DMGDH: variants seen among roughly 807,000 people sequenced by gnomAD.
The protein encoded by DMGDH is dimethylglycine dehydrogenase, also known as dimethylglycine dehydrogenase, mitochondrial.
DMGDH carries 76 observed loss-of-function variants against 95.2 expected under a neutral mutation model. The observed-to-expected ratio is 0.80, with a 90% CI of 0.66 to 0.97. DMGDH has a LOEUF of 0.97. DMGDH is among the 50% of genes least tolerant of loss of function. The pLI is 0.00. For missense variants in DMGDH, 987 were observed against 1,055.0 expected, an observed-to-expected ratio of 0.94 and a Z score of 0.89; for synonymous variants, 345 against 377.6, an observed-to-expected ratio of 0.91 and a Z score of 1.00.
Position 79,024,180 on chromosome 5 carries a change from T to C in DMGDH, c.2250+91A>G, listed in dbSNP as rs113438793. ...TTCACCTTGTTTCTCCTATAATCCA[T>C]ACTTGGTTAAATTTTAAAGAATGGC... is the stretch of plus-strand genomic sequence containing the variant. On this transcript the variant is annotated intron_variant, in intron 14 of 15. Coordinates refer to ENST00000255189, the MANE Select transcript of DMGDH (RefSeq NM_013391.3). The C allele has an allele frequency of 2.9e-3, 3,347 of 1,138,326 alleles. 17 individuals carry two copies. Among genetic ancestry groups the C allele is most frequent in the Non-Finnish European group, 3.7e-3 (2,776 of 752,218 alleles). 70.5% of individuals were successfully genotyped at this position (1,138,326 alleles called of 1,614,324 possible). A position where few individuals can be genotyped will look rare whatever the true frequency, so the allele number is the denominator to read the frequency against.
At chr5:79,053,345 T>A (rs1198502689) in intron 4 of DMGDH, among the ~76,000 whole-genome samples, 1 of 151,980 alleles carries the variant, frequency 6.6e-6, no homozygotes, top group African/African-American at 2.4e-5. Flanking sequence ...TGTGTGTGAG[T>A]GTGTGAGACG....
At chr5:79,049,189 A>C in intron 5 of DMGDH, among the ~76,000 whole-genome samples, 1 of 152,296 alleles carries the variant, frequency 6.6e-6, no homozygotes, top group African/African-American at 2.4e-5. Flanking sequence ...TCTGGTAACT[A>C]GTGTTACGGG....
At chr5:79,024,060 C>T (rs553023031) in intron 14 of DMGDH, among the ~76,000 whole-genome samples, 1 of 152,316 alleles carries the variant, frequency 6.6e-6, no homozygotes, top group South Asian at 2.1e-4. Context: ...CTGGATTCTG[C>T]TATCTTAAAT....
intron 11 of DMGDH, among the ~76,000 whole-genome samples, chr5:79,029,027 A>G (rs1200329558): frequency 6.6e-6 from 1 of 152,204 alleles, no homozygotes; most frequent in Non-Finnish European, 1.5e-5. Flanking sequence ...CAGGAGGCAC[A>G]CTTATGTTGC....
rs543933147 is a variant in DMGDH at position 78,999,685 on chromosome 5, A to G, written c.2386-1388T>C. Among the ~76,000 whole-genome samples the G allele has an allele frequency of 8.9e-4, 136 of 152,346 alleles. 1 individual carries two copies. The highest frequency in any genetic ancestry group is 1.8e-3 in the Admixed American group (28 of 15,312). ...GTGAAAACTGGTTGACCGTGAAAAAAGAAAACTTTTTGACTGTGAAAAATA... is the reference window on the plus strand; with the variant it reads ...GTGAAAACTGGTTGACCGTGAAAAAGGAAAACTTTTTGACTGTGAAAAATA... On this transcript the variant is annotated intron_variant, in intron 15 of 15. Transcript: ENST00000255189.
At chr5:79,064,914 T>C (rs1335258631) in intron 1 of DMGDH, among the ~76,000 whole-genome samples, 1 of 152,196 alleles carries the variant, frequency 6.6e-6, no homozygotes, top group African/African-American at 2.4e-5. Context: ...CACACCCAGC[T>C]AATTTTTGTG....
chr5:79,023,404 T>C (rs947658702), intron 14 of DMGDH, among the ~76,000 whole-genome samples: 1 of 152,236 alleles, frequency 6.6e-6, no homozygotes, highest in Non-Finnish European at 1.5e-5. Context: ...TCATTTATAT[T>C]TGTAAGGCTT....
chr5:79,006,850 C>CCCCCCTG (rs142991064), intron 14 of DMGDH, among the ~76,000 whole-genome samples: 8 of 147,672 alleles, frequency 5.4e-5, no homozygotes, highest in Non-Finnish European at 7.5e-5. Context: ...CTGAGACCCC[C>CCCCCCTG]CCAGTCCATT....
intron 5 of DMGDH, among the ~76,000 whole-genome samples, chr5:79,050,273 A>AAATATATATAT (rs1554037270): frequency 4.8e-5 from 1 of 20,918 alleles, no homozygotes; most frequent in Non-Finnish European, 9.3e-5. Flanking sequence ...AAAAAAAAAA[A>AAATATATATAT]ATATATATAT....
intron 14 of DMGDH, among the ~76,000 whole-genome samples, chr5:79,023,559 G>T (rs1198331808): frequency 6.6e-6 from 1 of 152,162 alleles, no homozygotes; most frequent in African/African-American, 2.4e-5. Context: ...GACTCCCAGA[G>T]ATTCTGATTT....
In DMGDH at chr5:79,044,326, C is replaced by T. The variant is rs139044238; in HGVS notation, c.972G>A (p.Trp324Ter). The change falls in exon 6 of 16, where the codon TGG becomes TGA. Residue 324 changes from tryptophan (W) to a stop codon, truncating the protein, a stop_gained. Transcript: ENST00000255189. LOFTEE classifies it high-confidence loss of function. ...CACCTGGAGGAACTCCATTGGTGAC[C>T]CAGGAGTCCTGAACTTTCATTTTCT... ...SQEKMKVQDS[W>*]VTNGVPPGFG... 1.5e-3 allele frequency: 2,385 copies of T among 1,614,148 alleles called. 7 individuals are homozygous for T. The highest frequency in any genetic ancestry group is 3.0e-3 in the Middle Eastern group (18 of 6,062).
intron 5 of DMGDH, among the ~76,000 whole-genome samples, chr5:79,050,261 AAAAAAAAAAAAAATATATAT>A (rs1204717636): frequency 3.2e-5 from 2 of 62,102 alleles, no homozygotes; most frequent in African/African-American, 5.8e-5. Context: ...AAAAAAAAAA[AAAAAAAAAAAAAATATATAT>A]ATATATATAT....
At chr5:79,062,427 A>G (rs1236662698) in intron 2 of DMGDH, among the ~76,000 whole-genome samples, 1 of 149,516 alleles carries the variant, frequency 6.7e-6, no homozygotes, top group Non-Finnish European at 1.5e-5. Flanking sequence ...TAGATGTCAA[A>G]AAGCCCCTCA....
rs1755492930 is a variant in DMGDH at position 79,069,575 on chromosome 5, T to C, written c.46A>G (p.Ser16Gly). ...AQLLRGLLLR[S>G]CPLQGSPGRP... ...CCGGGGGAGCCCTGCAGCGGGCAGC[T>C]CCGCAGCAGGAGGCCCCGCAGCAGC... is the stretch of plus-strand genomic sequence containing the variant. Residue 16 changes from serine to glycine, a missense_variant, in exon 1 of 16, where the codon AGC becomes GGC. Ser to Gly is a moderately conservative substitution (Grantham distance 56). Transcript: ENST00000255189. The C allele has an allele frequency of 1.1e-5, 15 of 1,351,432 alleles. No homozygotes were observed. The highest frequency in any genetic ancestry group is 3.8e-5 in the South Asian group (2 of 52,694). The allele number at this position is 1,351,432 out of a possible 1,614,324, so 83.7% of individuals were successfully genotyped here. A position where few individuals can be genotyped will look rare whatever the true frequency, so the allele number is the denominator to read the frequency against.
Position 79,005,536 on chromosome 5 carries a change from A to C in DMGDH, c.2251-129T>G, listed in dbSNP as rs370118223. ...CACATTAAATAAAAATACAGATCGG[A>C]TCATATGTCTAGACAAATATTTCTT... On this transcript the variant is annotated intron_variant, in intron 14 of 15. Coordinates refer to ENST00000255189, the MANE Select transcript of DMGDH (RefSeq NM_013391.3). 9 of 1,286,836 alleles carry C rather than the reference A, an allele frequency of 7.0e-6. No homozygotes were observed. The African/African-American group carries it at 1.3e-4, about 19-fold the overall frequency. 79.7% of individuals were successfully genotyped at this position (1,286,836 alleles called of 1,614,324 possible).
intron 1 of DMGDH, among the ~76,000 whole-genome samples, chr5:79,066,452 ATT>A (rs762509914): frequency 5.0e-5 from 7 of 138,908 alleles, no homozygotes; most frequent in African/African-American, 7.9e-5. Flanking sequence ...CGCCCGGCTA[ATT>A]TTTTTTTTTT....
intron 5 of DMGDH, among the ~76,000 whole-genome samples, chr5:79,049,312 T>C (rs888174621): frequency 6.7e-6 from 1 of 149,676 alleles, no homozygotes; most frequent in Non-Finnish European, 1.5e-5. Flanking sequence ...ATTATGTACA[T>C]ATGTTTATCC....
At chr5:79,021,697 A>C (rs200404899) in intron 14 of DMGDH, 2 of 1,297,758 alleles carry the variant, frequency 1.5e-6, no homozygotes, top group Non-Finnish European at 2.0e-6. Context: ...ATAAAACACA[A>C]AATTAGTTAC....
chr5:79,042,242 G>A (rs201894885), intron 7 of DMGDH, 41 bp downstream of exon 7: 1 of 1,570,306 alleles, frequency 6.4e-7, no homozygotes, highest in Admixed American at 1.7e-5. Context: ...GCTAAAATAA[G>A]TGATTCTACA....
Sources: gnomAD v4.1 joint callset for allele counts (sites outside exome capture counted in the v4.1 genomes callset) on GRCh38, gnomAD v4.1.1 for gene constraint, MANE v1.5 for transcripts, NCBI Gene and HGNC (gene_info 2026-07-23, HGNC 2026-07-21) for gene names.